PRXL2C: variants seen among roughly 807,000 people sequenced by gnomAD.
The protein encoded by PRXL2C is peroxiredoxin like 2C, also known as peroxiredoxin-like 2C.
In PRXL2C, 38 loss-of-function variants were observed where a neutral mutation model predicts 24.9. That is an observed-to-expected ratio of 1.53 (90% CI 1.18 to 2.00). PRXL2C has a LOEUF of 2.00. PRXL2C is among the 30% of genes most tolerant of loss of function. PRXL2C has a pLI of 0.00. For synonymous variants in PRXL2C, 98 were observed against 117.2 expected (o/e 0.84, Z 1.06); for missense variants, 294 against 290.9 (o/e 1.01, Z -0.08).
intron 4 of PRXL2C, among the ~76,000 whole-genome samples, chr9:96,649,382 T>C (rs1490918826): frequency 6.8e-6 from 1 of 146,372 alleles, no homozygotes; most frequent in African/African-American, 2.8e-5. Context: ...CTGACCAACA[T>C]GGAGAAACCC....
At chr9:96,647,971 A>G (rs1333713312) in intron 4 of PRXL2C, among the ~76,000 whole-genome samples, 1 of 152,142 alleles carries the variant, frequency 6.6e-6, no homozygotes, top group African/African-American at 2.4e-5. Context: ...TGGCACGATC[A>G]CTGCTCATTG....
At chr9:96,651,074 C>T (rs544085268) in intron 4 of PRXL2C, among the ~76,000 whole-genome samples, 3 of 152,124 alleles carry the variant, frequency 2.0e-5, no homozygotes, top group South Asian at 2.1e-4. Context: ...GTCAGGAGTT[C>T]GAGACCACCC....
chr9:96,644,828 C>T (rs1161049748), intron 5 of PRXL2C, among the ~76,000 whole-genome samples: 1 of 143,494 alleles, frequency 7.0e-6, no homozygotes, highest in Admixed American at 7.2e-5. Context: ...GACTAACTTG[C>T]TGACACTGAG....
intron 5 of PRXL2C, among the ~76,000 whole-genome samples, chr9:96,645,310 A>G (rs1848182257): frequency 6.6e-6 from 1 of 152,058 alleles, no homozygotes; most frequent in Non-Finnish European, 1.5e-5. Context: ...TGACAGCCAT[A>G]TACAGATCGC....
intron 5 of PRXL2C, among the ~76,000 whole-genome samples, chr9:96,645,204 C>T (rs981668860): frequency 2.0e-5 from 3 of 151,666 alleles, no homozygotes; most frequent in Admixed American, 6.6e-5. Context: ...CCACCGCGCC[C>T]GGCTGGATTC....
chr9:96,652,222 C>T (rs1013000522), intron 2 of PRXL2C, among the ~76,000 whole-genome samples: 1 of 152,102 alleles, frequency 6.6e-6, no homozygotes, highest in African/African-American at 2.4e-5. Flanking sequence ...ACAACATAGC[C>T]TGATTAAAAA....
chr9:96,653,656 C>T (rs919034287), intron 2 of PRXL2C, among the ~76,000 whole-genome samples: 1 of 152,110 alleles, frequency 6.6e-6, no homozygotes, highest in East Asian at 1.9e-4. Flanking sequence ...CATTCCACAA[C>T]GTAAATGCCT....
chr9:96,651,281 A>T (rs1287040992), intron 4 of PRXL2C, 109 bp downstream of exon 4: 4 of 855,000 alleles, frequency 4.7e-6, no homozygotes, highest in Non-Finnish European at 7.2e-6. Flanking sequence ...CCATCTCAAA[A>T]AAAACAAAAA....
In PRXL2C at chr9:96,654,717, C is replaced by A; in HGVS notation, c.249G>T (p.Arg83Ser). ...CTGGGAAACTCACTTGTAAGAAACTCCTGGGGATTTTGGCCAGATCCTCTA... is the reference window on the plus strand; with the variant it reads ...CTGGGAAACTCACTTGTAAGAAACTACTGGGGATTTTGGCCAGATCCTCTA... ...EYVEDLAKIP[R>S]SFLQEANVTL... The change falls in exon 2 of 6, where the codon AGG (arginine) becomes AGT (serine). Residue 83 changes from arginine to serine, a missense_variant. Coordinates refer to ENST00000375234, the MANE Select transcript of PRXL2C (RefSeq NM_153698.2). 1.3e-6 allele frequency: 2 copies of A among 1,564,810 alleles called. No homozygotes were observed. The highest frequency in any genetic ancestry group is 1.7e-6 in the Non-Finnish European group (2 of 1,153,416).
Position 96,648,419 on chromosome 9 carries a change from T to C in PRXL2C, c.422-2395A>G, listed in dbSNP as rs35194382. Reference sequence around the variant, plus strand: ...GTATGTAATGGCTTCATTTTCTTATTCTTCATCTTTATTAAAATAGGCACC... The same window carrying C: ...GTATGTAATGGCTTCATTTTCTTATCCTTCATCTTTATTAAAATAGGCACC... On this transcript the variant is annotated intron_variant, in intron 4 of 5. Transcript: ENST00000375234. Among the ~76,000 whole-genome samples the C allele has an allele frequency of 7.1e-3, 1,084 of 152,158 alleles. 8 individuals are homozygous for C. The highest frequency in any genetic ancestry group is 0.012 in the Non-Finnish European group (842 of 67,996).
chr9:96,641,836 GT>G lies in PRXL2C; in HGVS notation c.603del (p.Lys201AsnfsTer10), dbSNP rs1184144837. 1 of 1,563,026 alleles carries G rather than the reference GT, an allele frequency of 6.4e-7. No homozygotes were observed. The highest frequency in any genetic ancestry group is 8.7e-7 in the Non-Finnish European group (1 of 1,144,002). On this transcript the variant is annotated frameshift_variant, in exon 6 of 6. Coordinates refer to ENST00000375234, the MANE Select transcript of PRXL2C (RefSeq NM_153698.2). LOFTEE classifies it high-confidence loss of function. ...ACAAGCTGTAAAACAGAGTTGATAGGTTTGTGATCCAACCTATTCCTATCGC... is the reference window on the plus strand; with the variant it reads ...ACAAGCTGTAAAACAGAGTTGATAGGTTGTGATCCAACCTATTCCTATCGC... ...IHRDRNRLDH[K>X]PINSVLQLVG...
intron 5 of PRXL2C, among the ~76,000 whole-genome samples, chr9:96,644,082 G>A (rs1330001909): frequency 1.4e-5 from 2 of 144,906 alleles, no homozygotes; most frequent in Non-Finnish European, 3.0e-5. Context: ...GTAGTGAGCC[G>A]AGATTACACC....
intron 5 of PRXL2C, among the ~76,000 whole-genome samples, chr9:96,644,881 CTTTTT>C (rs530343244): frequency 1.6e-4 from 6 of 36,672 alleles, no homozygotes; most frequent in African/African-American, 3.7e-4. Context: ...TACATGGATT[CTTTTT>C]TTTTTTTTTT....
At chr9:96,650,191 T>C (rs1848249852) in intron 4 of PRXL2C, among the ~76,000 whole-genome samples, 1 of 152,224 alleles carries the variant, frequency 6.6e-6, no homozygotes, top group South Asian at 2.1e-4. Context: ...ATTAGCTGTT[T>C]GTGCCTGTCT....
intron 5 of PRXL2C, among the ~76,000 whole-genome samples, chr9:96,645,384 A>G (rs1390118812): frequency 6.6e-6 from 1 of 152,160 alleles, no homozygotes; most frequent in East Asian, 1.9e-4. Context: ...CATCAAATAC[A>G]TAAACATCAA....
chr9:96,649,022 C>T (rs1406739785), intron 4 of PRXL2C, among the ~76,000 whole-genome samples: 2 of 152,192 alleles, frequency 1.3e-5, no homozygotes, highest in African/African-American at 4.8e-5. Flanking sequence ...ATCCACCCGC[C>T]TTGGCCTCCC....
At chr9:96,651,990 G>A (rs558827431) in intron 2 of PRXL2C, among the ~76,000 whole-genome samples, 1 of 152,240 alleles carries the variant, frequency 6.6e-6, no homozygotes, top group Non-Finnish European at 1.5e-5. Flanking sequence ...CATGACATGG[G>A]TGTAAACAAT....
chr9:96,641,710 A>G lies in PRXL2C; in HGVS notation c.*49T>C. On this transcript the variant is annotated 3_prime_UTR_variant, in exon 6 of 6. Transcript: ENST00000375234. ...CGAGGATATTACACCCAGGCATTGA[A>G]GGTCACATTCCAGAAGGTCCAGTTG... The G allele has an allele frequency of 6.6e-7, 1 of 1,506,844 alleles. No homozygotes were observed. Among genetic ancestry groups the G allele is most frequent in the South Asian group, 1.3e-5 (1 of 75,208 alleles). 93.3% of individuals were successfully genotyped at this position (1,506,844 alleles called of 1,614,324 possible).
At chr9:96,649,394 A>C (rs147872414) in intron 4 of PRXL2C, among the ~76,000 whole-genome samples, 2 of 134,070 alleles carry the variant, frequency 1.5e-5, no homozygotes, top group Non-Finnish European at 2.9e-5. Flanking sequence ...GAGAAACCCT[A>C]TCTCTACTAA....
Sources: allele counts gnomAD v4.1 joint callset (sites outside exome capture counted in the v4.1 genomes callset), GRCh38; gene constraint gnomAD v4.1.1; transcripts MANE v1.5; gene names NCBI Gene and HGNC (gene_info 2026-07-23, HGNC 2026-07-21).